Variants in THADA observed in about 807,000 individuals in gnomAD.
The protein encoded by THADA is THADA armadillo repeat containing.
THADA carries 213 observed loss-of-function variants against 219.8 expected under a neutral mutation model. The ratio of observed to expected loss-of-function variants is 0.97; its 90% confidence interval spans 0.87 to 1.09. THADA has a LOEUF of 1.09. Ranked by LOEUF, THADA falls within the 50% of genes least tolerant of loss-of-function variation. The pLI is 0.00. For missense variants in THADA, 2,956 were observed against 2,311.3 expected (o/e 1.28, Z -5.72); for synonymous variants, 1,018 against 828.9 (o/e 1.23, Z -3.92).
At chr2:43,311,970 A>C (rs748008392) in intron 31 of THADA, among the ~76,000 whole-genome samples, 16 of 152,196 alleles carry the variant, frequency 1.1e-4, no homozygotes, top group Non-Finnish European at 2.4e-4. Context: ...AGGCCGAGGC[A>C]GGAGGGCTGC....
rs1418373568 is a variant in THADA, at chr2:43,586,856, A to C, written c.449T>G (p.Leu150Trp). 4 of 1,613,568 alleles carry C rather than the reference A, an allele frequency of 2.5e-6. No individual in the cohort carries two copies. Among genetic ancestry groups the C allele is most frequent in the Non-Finnish European group, 3.4e-6 (4 of 1,179,768 alleles). Residue 150 changes from leucine (L) to tryptophan (W), a missense_variant and splice_region_variant, in exon 5 of 38, where the codon TTG becomes TGG. Transcript: ENST00000405975. The stretch of plus-strand genomic sequence containing the variant: ...GGACTAGAAAAGTGCAGCCTTACCC[A>C]AGTTAAAGTTCTCCATACAGGAAGA... Reference protein sequence around the residue: ...NISSCMENFNLGRASVNNLLK... With the variant: ...NISSCMENFNWGRASVNNLLK...
chr2:43,528,534 A>G (rs1693468257), intron 21 of THADA, among the ~76,000 whole-genome samples: 1 of 152,206 alleles, frequency 6.6e-6, no homozygotes, highest in African/African-American at 2.4e-5. Context: ...ACTGAGGCCA[A>G]GAAAGGCTAA....
intron 30 of THADA, among the ~76,000 whole-genome samples, chr2:43,329,431 T>G (rs780393641): frequency 6.6e-6 from 1 of 152,170 alleles, no homozygotes; most frequent in Non-Finnish European, 1.5e-5. Context: ...GCACCGTCAA[T>G]AGGACCGTGG....
At chr2:43,313,167 AT>A (rs1677701659) in intron 31 of THADA, among the ~76,000 whole-genome samples, 1 of 152,186 alleles carries the variant, frequency 6.6e-6, no homozygotes, top group African/African-American at 2.4e-5. Flanking sequence ...TTTCTCACAG[AT>A]TTTACCATTT....
intron 19 of THADA, 124 bp from the exon 20 acceptor site, chr2:43,549,492 A>G: frequency 1.0e-6 from 1 of 954,402 alleles, no homozygotes. Flanking sequence ...ATTAGAAGGG[A>G]CTCACAAGGT....
At chr2:43,408,498 A>G (rs550384990) in intron 28 of THADA, 2 of 152,318 alleles carry the variant, frequency 1.3e-5, no homozygotes, top group South Asian at 4.1e-4. Context: ...GGTGTAGAAG[A>G]AATACACAGT....
At chr2:43,231,962 T>C (rs1298412661) in intron 37 of THADA, among the ~76,000 whole-genome samples, 3 of 152,164 alleles carry the variant, frequency 2.0e-5, no homozygotes, top group African/African-American at 7.2e-5. Flanking sequence ...TGCTTGTCTT[T>C]GTCCTCAGTT....
intron 26 of THADA, among the ~76,000 whole-genome samples, chr2:43,434,129 A>G (rs1679764875): frequency 1.3e-5 from 2 of 152,252 alleles, no homozygotes; most frequent in Admixed American, 6.5e-5. Flanking sequence ...AATTAGGACT[A>G]TGAGTACAAG....
chr2:43,231,819 CACTT>C (rs1160259586), intron 37 of THADA, among the ~76,000 whole-genome samples: 1 of 152,206 alleles, frequency 6.6e-6, no homozygotes, highest in African/African-American at 2.4e-5. Flanking sequence ...TTTTGTCAGA[CACTT>C]ACCATGTCTC....
At chr2:43,235,531 G>C (rs1320363824) in intron 36 of THADA, among the ~76,000 whole-genome samples, 9 of 152,182 alleles carry the variant, frequency 5.9e-5, no homozygotes, top group African/African-American at 2.2e-4. Context: ...GACCTCAAGT[G>C]ATCTGCCCCC....
At chr2:43,531,160 T>C (rs1316155486) in intron 21 of THADA, among the ~76,000 whole-genome samples, 1 of 152,204 alleles carries the variant, frequency 6.6e-6, no homozygotes, top group Non-Finnish European at 1.5e-5. Flanking sequence ...TGCTGTCTGG[T>C]GTCCATTAGA....
chr2:43,281,226 C>T (rs1360650374), intron 35 of THADA, among the ~76,000 whole-genome samples: 1 of 152,186 alleles, frequency 6.6e-6, no homozygotes, highest in Non-Finnish European at 1.5e-5. Context: ...TCGTTCTCTT[C>T]TTTTCATTAC....
chr2:43,281,889 C>T (rs943800665), intron 35 of THADA, among the ~76,000 whole-genome samples: 1 of 152,182 alleles, frequency 6.6e-6, no homozygotes, highest in Non-Finnish European at 1.5e-5. Flanking sequence ...CCTGCCTTAG[C>T]CTCCTGAGTA....
intron 29 of THADA, among the ~76,000 whole-genome samples, chr2:43,377,192 A>T (rs1490758016): frequency 1.3e-5 from 2 of 152,118 alleles, no homozygotes. Flanking sequence ...CAAAATTATA[A>T]ATTGTTTAGA....
chr2:43,382,426 T>C (rs1268840945), intron 29 of THADA, among the ~76,000 whole-genome samples: 1 of 152,182 alleles, frequency 6.6e-6, no homozygotes, highest in Non-Finnish European at 1.5e-5. Context: ...GACTATCAGA[T>C]TGCATACTGA....
At chr2:43,348,244 C>G (rs991985018) in intron 29 of THADA, among the ~76,000 whole-genome samples, 1 of 152,188 alleles carries the variant, frequency 6.6e-6, no homozygotes, top group Non-Finnish European at 1.5e-5. Context: ...GTCACCTGGC[C>G]GGAGCTGAGC....
intron 25 of THADA, among the ~76,000 whole-genome samples, chr2:43,490,018 C>T (rs543505003): frequency 2.0e-5 from 3 of 152,140 alleles, no homozygotes; most frequent in Admixed American, 1.3e-4. Flanking sequence ...TTTATTTAGG[C>T]CTATAATTTC....
Position 43,230,899 on chromosome 2 carries a change from G to A in THADA, c.*49C>T, listed in dbSNP as rs1284241010. On this transcript the variant is annotated 3_prime_UTR_variant, in exon 38 of 38. Coordinates refer to ENST00000405975, the MANE Select transcript of THADA (RefSeq NM_022065.5). The stretch of plus-strand genomic sequence containing the variant: ...GTTCAACATGTTTCCTGCAGATTTA[G>A]TGGAGGAAAAATCCACACATACCCC... The A allele has an allele frequency of 6.5e-7, 1 of 1,529,838 alleles. No homozygotes were observed. Among genetic ancestry groups the A allele is most frequent in the Admixed American group, 2.1e-5 (1 of 47,242 alleles). 94.8% of individuals were successfully genotyped at this position (1,529,838 alleles called of 1,614,324 possible).
intron 20 of THADA, among the ~76,000 whole-genome samples, chr2:43,547,587 A>C (rs1185945449): frequency 6.7e-6 from 1 of 150,080 alleles, no homozygotes; most frequent in Admixed American, 6.6e-5. Flanking sequence ...TTTTCTCTAA[A>C]CCTCCCTTCT....
Sources: allele counts gnomAD v4.1 joint callset (sites outside exome capture counted in the v4.1 genomes callset), GRCh38; gene constraint gnomAD v4.1.1; transcripts MANE v1.5; gene names NCBI Gene and HGNC (gene_info 2026-07-23, HGNC 2026-07-21).